The following ASIC2 variants were observed in gnomAD, a reference collection of about 807,000 sequenced individuals.
The protein encoded by ASIC2 is acid-sensing ion channel 2.
ASIC2 carries 25 observed loss-of-function variants against 57.3 expected under a neutral mutation model. That is an observed-to-expected ratio of 0.44 (90% CI 0.32 to 0.61). The LOEUF (loss-of-function observed/expected upper bound fraction) is 0.61. ASIC2 is among the 20% of genes least tolerant of loss of function. The pLI is 0.06. For synonymous variants in ASIC2, 319 were observed against 307.5 expected (o/e 1.04, Z -0.39); for missense variants, 641 against 738.1 (o/e 0.87, Z 1.52).
chr17:33,488,817 A>C (rs1913659126), intron 1 of ASIC2, among the ~76,000 whole-genome samples: 3 of 152,194 alleles, frequency 2.0e-5, no homozygotes, highest in Admixed American at 2.0e-4. Flanking sequence ...CAGGCCCTCC[A>C]GCCTTGCCCT....
chr17:34,139,742 A>G (rs1912221602), intron 1 of ASIC2, among the ~76,000 whole-genome samples: 1 of 152,010 alleles, frequency 6.6e-6, no homozygotes. Context: ...ATGATCACCT[A>G]GAACTGGAGG....
chr17:33,662,135 C>G (rs372225119), intron 1 of ASIC2, among the ~76,000 whole-genome samples: 17 of 152,162 alleles, frequency 1.1e-4, no homozygotes, highest in African/African-American at 3.6e-4. Flanking sequence ...CATTATTACT[C>G]TCATCTTAAA....
At chr17:34,108,291 T>TA (rs1157086905) in intron 1 of ASIC2, among the ~76,000 whole-genome samples, 1 of 152,196 alleles carries the variant, frequency 6.6e-6, no homozygotes, top group Non-Finnish European at 1.5e-5. Context: ...TGCATTTTTT[T>TA]ATATAGTTGT....
chr17:33,176,657 A>G (rs1211780118), intron 1 of ASIC2, among the ~76,000 whole-genome samples: 1 of 152,210 alleles, frequency 6.6e-6, no homozygotes, highest in Non-Finnish European at 1.5e-5. Flanking sequence ...ATAATTGTTG[A>G]ATATGAGGGA....
intron 1 of ASIC2, chr17:33,569,149 C>A (rs1680700514): frequency 6.6e-6 from 1 of 152,236 alleles, no homozygotes; most frequent in South Asian, 2.1e-4. Flanking sequence ...TTCAACACAT[C>A]AAATTTTCAT....
chr17:33,527,720 A>T (rs144210909), intron 1 of ASIC2, among the ~76,000 whole-genome samples: 1 of 152,228 alleles, frequency 6.6e-6, no homozygotes, highest in East Asian at 1.9e-4. Context: ...CATTTTAGGG[A>T]CATGTGCCTA....
At chr17:33,112,211 T>G in intron 1 of ASIC2, 144 bp from the exon 2 acceptor site, 1 of 1,112,126 alleles carries the variant, frequency 9.0e-7, no homozygotes, top group Non-Finnish European at 1.2e-6. Flanking sequence ...ACCAGTGGTT[T>G]TTCATCCTGG....
intron 1 of ASIC2, among the ~76,000 whole-genome samples, chr17:33,316,894 T>C (rs923505576): frequency 1.3e-5 from 2 of 152,186 alleles, no homozygotes; most frequent in African/African-American, 4.8e-5. Flanking sequence ...TGTGTGCACT[T>C]AATTCACCCT....
At chr17:33,350,207 T>C (rs1030792349) in intron 1 of ASIC2, among the ~76,000 whole-genome samples, 30 of 152,314 alleles carry the variant, frequency 2.0e-4, no homozygotes, top group African/African-American at 7.0e-4. Context: ...CCTGATTACA[T>C]GTCATCTTAG....
chr17:33,791,932 C>T lies in ASIC2; in HGVS notation c.555+364046G>A, dbSNP rs143577848. On this transcript the variant is annotated intron_variant, in intron 1 of 9. Transcript: ENST00000359872. ...AGGCGATCCTCCCACCTTAGCCTCC[C>T]GAGTAGCTGGGACTGTAGTTGTGCA... is the stretch of plus-strand genomic sequence containing the variant. The T allele has an allele frequency of 8.1e-3, 1,236 of 152,194 alleles. 15 individuals carry two copies. The highest frequency in any genetic ancestry group is 0.012 in the Non-Finnish European group (846 of 68,034). The allele number at this position is 152,194 out of a possible 1,614,324, so 9.4% of individuals were successfully genotyped here.
chr17:33,728,574 C>T (rs866990378), intron 1 of ASIC2, among the ~76,000 whole-genome samples: 1 of 152,088 alleles, frequency 6.6e-6, no homozygotes, highest in South Asian at 2.1e-4. Context: ...TTGGTTTTCT[C>T]TGGGCATACC....
chr17:33,347,918 A>C (rs945550103), intron 1 of ASIC2, among the ~76,000 whole-genome samples: 5 of 152,202 alleles, frequency 3.3e-5, no homozygotes, highest in African/African-American at 9.6e-5. Context: ...CCTGGCCAAC[A>C]TGGTGAAACC....
chr17:33,698,800 G>A (rs529266779), intron 1 of ASIC2, among the ~76,000 whole-genome samples: 1 of 152,210 alleles, frequency 6.6e-6, no homozygotes, highest in African/African-American at 2.4e-5. Context: ...TCTATGGCTT[G>A]GGAGAAAGAA....
intron 1 of ASIC2, chr17:34,003,577 T>C (rs907920228): frequency 6.6e-6 from 1 of 152,196 alleles, no homozygotes; most frequent in African/African-American, 2.4e-5. Flanking sequence ...ATGATCATCA[T>C]CATGATTAAC....
intron 1 of ASIC2, among the ~76,000 whole-genome samples, chr17:33,511,445 T>C (rs1402374096): frequency 2.6e-5 from 4 of 152,120 alleles, no homozygotes; most frequent in Non-Finnish European, 5.9e-5. Context: ...TTGCTCCTTT[T>C]CCCTAGTTCT....
At chr17:34,155,982 G>T (rs1567618638) in exon 1 of ASIC2, 5 of 1,604,280 alleles carry the variant, frequency 3.1e-6, no homozygotes, top group Non-Finnish European at 4.3e-6. Context: ...ACTCACTGTG[G>T]TGAAGTCTTG....
chr17:33,587,457 A>G (rs1039624130), intron 1 of ASIC2, among the ~76,000 whole-genome samples: 8 of 152,354 alleles, frequency 5.3e-5, no homozygotes, highest in African/African-American at 1.4e-4. Context: ...AGCTGTACAC[A>G]TGATGTCTTT....
At chr17:33,527,287 AC>A (rs1481240201) in intron 1 of ASIC2, among the ~76,000 whole-genome samples, 1 of 152,134 alleles carries the variant, frequency 6.6e-6, no homozygotes, top group East Asian at 1.9e-4. Flanking sequence ...AGGGCCCTAA[AC>A]CCATTCAAAG....
intron 1 of ASIC2, among the ~76,000 whole-genome samples, chr17:34,097,915 T>C (rs535812857): frequency 6.6e-6 from 1 of 152,296 alleles, no homozygotes; most frequent in East Asian, 1.9e-4. Flanking sequence ...TGGTGGACCT[T>C]TGCTCGGCTG....
Sources: allele counts gnomAD v4.1 joint callset (sites outside exome capture counted in the v4.1 genomes callset), GRCh38; gene constraint gnomAD v4.1.1; transcripts MANE v1.5; gene names NCBI Gene and HGNC (gene_info 2026-07-23, HGNC 2026-07-21).